Variants in ARHGAP26 observed in about 807,000 individuals in gnomAD.
ARHGAP26 encodes the protein rho GTPase-activating protein 26.
Under a neutral mutation model 104.8 loss-of-function variants are expected in ARHGAP26, and 38 were observed. The ratio of observed to expected loss-of-function variants is 0.36; its 90% CI spans 0.28 to 0.48. The LOEUF (loss-of-function observed/expected upper bound fraction) is 0.48. ARHGAP26 is among the 20% of genes least tolerant of loss of function. The probability of loss-of-function intolerance (pLI) is 0.99; values close to 1 mark genes in which losing one functional copy is unlikely to be tolerated. For missense variants in ARHGAP26, 704 were observed against 947.9 expected, an observed-to-expected ratio of 0.74 and a Z score of 3.38; for synonymous variants, 341 against 340.0, an observed-to-expected ratio of 1.00 and a Z score of -0.03.
intron 21 of ARHGAP26, among the ~76,000 whole-genome samples, chr5:143,210,598 C>T (rs77531664): frequency 2.0e-5 from 3 of 152,178 alleles, no homozygotes; most frequent in Non-Finnish European, 4.4e-5. Context: ...ACCCCTCCCC[C>T]AAAAAAGCCG....
rs1811776914 is a variant in ARHGAP26, at chr5:143,227,717, C to T, written c.*5271C>T. 2 of 228,118 alleles carry T rather than the reference C, an allele frequency of 8.8e-6. No homozygotes were observed. The highest frequency in any genetic ancestry group is 1.7e-5 in the Non-Finnish European group (2 of 115,044). 14.1% of individuals were successfully genotyped at this position (228,118 alleles called of 1,614,324 possible). On this transcript the variant is annotated 3_prime_UTR_variant, in exon 23 of 23. Coordinates refer to ENST00000645722, the MANE Select transcript of ARHGAP26 (RefSeq NM_001135608.3). ...CCAGTCCTTGCTGAAATGTGGTCTT[C>T]CAGTGGAAGCACCTGTATTATTGAG...
At chr5:143,011,303 C>CTTTTTTTTTTTTTTT (rs58841045) in intron 11 of ARHGAP26, among the ~76,000 whole-genome samples, 1 of 110,970 alleles carries the variant, frequency 9.0e-6, no homozygotes, top group Non-Finnish European at 1.7e-5. Context: ...TAAACCCCCG[C>CTTTTTTTTTTTTTTT]TTTTTTTTTT....
chr5:142,918,712 G>T (rs1159355860), intron 10 of ARHGAP26, among the ~76,000 whole-genome samples: 1 of 152,188 alleles, frequency 6.6e-6, no homozygotes, highest in Non-Finnish European at 1.5e-5. Flanking sequence ...ATTACATGGA[G>T]CAAATGTTTC....
At chr5:143,177,272 T>A (rs1308321955) in intron 20 of ARHGAP26, among the ~76,000 whole-genome samples, 1 of 152,194 alleles carries the variant, frequency 6.6e-6, no homozygotes, top group Non-Finnish European at 1.5e-5. Context: ...AGTTGGCCTC[T>A]CAGAATAGTG....
chr5:142,890,895 C>T (rs1467962922), intron 5 of ARHGAP26, among the ~76,000 whole-genome samples: 2 of 152,204 alleles, frequency 1.3e-5, no homozygotes, highest in Non-Finnish European at 2.9e-5. Context: ...TTGGAGCTTG[C>T]ACTTGGGCAG....
chr5:142,833,658 T>C (rs1464584519), intron 1 of ARHGAP26, among the ~76,000 whole-genome samples: 1 of 152,180 alleles, frequency 6.6e-6, no homozygotes, highest in Non-Finnish European at 1.5e-5. Flanking sequence ...CGCTGATATT[T>C]GCGCTCTTTC....
intron 20 of ARHGAP26, among the ~76,000 whole-genome samples, chr5:143,154,929 G>T (rs2151024114): frequency 6.6e-6 from 1 of 152,192 alleles, no homozygotes; most frequent in South Asian, 2.1e-4. Flanking sequence ...AGGCTGCTAT[G>T]CTTTTACTAG....
chr5:143,069,911 GA>G (rs1788012309), intron 17 of ARHGAP26, among the ~76,000 whole-genome samples: 2 of 152,194 alleles, frequency 1.3e-5, no homozygotes, highest in South Asian at 4.1e-4. Context: ...TGGTTCCCCA[GA>G]AGCCTGATTC....
At chr5:142,810,743 C>T (rs1175054519) in intron 1 of ARHGAP26, among the ~76,000 whole-genome samples, 2 of 152,126 alleles carry the variant, frequency 1.3e-5, no homozygotes, top group African/African-American at 4.8e-5. Flanking sequence ...TAATATTGTT[C>T]TTTAAGTGGG....
intron 20 of ARHGAP26, among the ~76,000 whole-genome samples, chr5:143,180,615 G>A (rs1804193880): frequency 6.6e-6 from 1 of 152,160 alleles, no homozygotes; most frequent in Non-Finnish European, 1.5e-5. Flanking sequence ...GGCAGAACGA[G>A]AAGAGACATG....
At chr5:142,975,351 G>T (rs1772908239) in intron 11 of ARHGAP26, among the ~76,000 whole-genome samples, 1 of 151,890 alleles carries the variant, frequency 6.6e-6, no homozygotes, top group African/African-American at 2.4e-5. Context: ...TGAGGTGAAA[G>T]AAACCTTTCT....
chr5:143,187,389 A>G (rs977171862), intron 20 of ARHGAP26, among the ~76,000 whole-genome samples: 1 of 152,170 alleles, frequency 6.6e-6, no homozygotes, highest in African/African-American at 2.4e-5. Flanking sequence ...CCTCTTTTCT[A>G]TTTAATGTGT....
chr5:143,016,657 C>T (rs370454321), intron 12 of ARHGAP26, among the ~76,000 whole-genome samples: 2 of 141,454 alleles, frequency 1.4e-5, no homozygotes, highest in East Asian at 2.0e-4. Context: ...GAGCCAAGAT[C>T]GTGCTATTGC....
chr5:143,107,919 T>C (rs892273282), intron 17 of ARHGAP26, among the ~76,000 whole-genome samples: 1 of 152,222 alleles, frequency 6.6e-6, no homozygotes, highest in Non-Finnish European at 1.5e-5. Context: ...TGTGTTGAAG[T>C]AAGAACTTTA....
At chr5:143,166,062 C>G in intron 20 of ARHGAP26, 1 of 1,323,948 alleles carries the variant, frequency 7.6e-7, no homozygotes, top group South Asian at 1.3e-5. Context: ...GAGGGTTGTA[C>G]TGAGGTGCAG....
intron 1 of ARHGAP26, among the ~76,000 whole-genome samples, chr5:142,795,273 G>A (rs1340556962): frequency 6.6e-6 from 1 of 152,202 alleles, no homozygotes; most frequent in Non-Finnish European, 1.5e-5. Flanking sequence ...AAGTGAGGCT[G>A]ATGAAAGTGA....
intron 10 of ARHGAP26, among the ~76,000 whole-genome samples, chr5:142,924,903 A>G (rs768596580): frequency 6.6e-6 from 1 of 152,202 alleles, no homozygotes; most frequent in Non-Finnish European, 1.5e-5. Context: ...TGAATCAAGA[A>G]TATAGACAGG....
chr5:143,174,783 A>G (rs1803250505), intron 20 of ARHGAP26, among the ~76,000 whole-genome samples: 1 of 152,224 alleles, frequency 6.6e-6, no homozygotes, highest in African/African-American at 2.4e-5. Flanking sequence ...ACATAGGATC[A>G]TAGGTAATTG....
chr5:143,207,543 C>T, intron 21 of ARHGAP26: 1 of 1,555,696 alleles, frequency 6.4e-7, no homozygotes, highest in Non-Finnish European at 8.8e-7. Context: ...AGGGGGCTGC[C>T]CCTGCTCTCC....
Sources: allele counts gnomAD v4.1 joint callset (sites outside exome capture counted in the v4.1 genomes callset), GRCh38; gene constraint gnomAD v4.1.1; transcripts MANE v1.5; gene names NCBI Gene and HGNC (gene_info 2026-07-23, HGNC 2026-07-21).